MFHAS1: variants seen among roughly 807,000 people sequenced by gnomAD.
MFHAS1 encodes malignant fibrous histiocytoma-amplified sequence 1.
Under a neutral mutation model 70.4 loss-of-function variants are expected in MFHAS1, and 50 were observed. That is an observed-to-expected ratio of 0.71 (90% CI 0.57 to 0.90). MFHAS1 has a LOEUF of 0.90. Ranked by LOEUF, MFHAS1 falls within the 40% of genes least tolerant of loss-of-function variation. MFHAS1 has a pLI of 0.00. For synonymous variants in MFHAS1, 952 were observed against 620.0 expected, an observed-to-expected ratio of 1.54 and a Z score of -7.96; for missense variants, 1,795 against 1,347.6, an observed-to-expected ratio of 1.33 and a Z score of -5.20.
In MFHAS1 at chr8:8,832,188, GAAAGA is replaced by G. The variant is rs201288971; in HGVS notation, c.2999-34702_2999-34698del. Among the ~76,000 whole-genome samples the G allele has an allele frequency of 5.9e-4, 88 of 148,502 alleles. 2 individuals are homozygous for G. The South Asian group carries it at 0.018, about 31-fold the overall frequency. ...TTCTTAACCTTGAGAGGGACAGAAA[GAAAGA>G]AAAAAAAAAGTACTAACCAGAAGAC... is the stretch of plus-strand genomic sequence containing the variant. On this transcript the variant is annotated intron_variant, in intron 1 of 2. Transcript: ENST00000276282.
chr8:8,791,600 C>G (rs1805721689), intron 2 of MFHAS1, among the ~76,000 whole-genome samples: 1 of 152,176 alleles, frequency 6.6e-6, no homozygotes, highest in Non-Finnish European at 1.5e-5. Context: ...CTCACACTCC[C>G]TGGGAAATGG....
chr8:8,882,529 T>C (rs1563219218), intron 1 of MFHAS1, among the ~76,000 whole-genome samples: 1 of 152,032 alleles, frequency 6.6e-6, no homozygotes, highest in African/African-American at 2.4e-5. Flanking sequence ...GAAGAATCAC[T>C]TGAACCCGGG....
intron 1 of MFHAS1, among the ~76,000 whole-genome samples, chr8:8,845,253 G>C (rs1244957619): frequency 2.0e-5 from 3 of 152,166 alleles, no homozygotes; most frequent in Non-Finnish European, 2.9e-5. Context: ...TCACATAAAA[G>C]TCAGAAACAG....
intron 1 of MFHAS1, among the ~76,000 whole-genome samples, chr8:8,800,674 T>C (rs528815023): frequency 6.6e-6 from 1 of 152,324 alleles, no homozygotes; most frequent in East Asian, 1.9e-4. Context: ...GTTCTACTTT[T>C]GTCCTAAAAT....
chr8:8,835,074 G>A (rs958057982), intron 1 of MFHAS1, among the ~76,000 whole-genome samples: 31 of 152,278 alleles, frequency 2.0e-4, no homozygotes, highest in African/African-American at 6.3e-4. Context: ...CTAAATGACT[G>A]AATGTATAGG....
chr8:8,876,538 C>G (rs563047331), intron 1 of MFHAS1, among the ~76,000 whole-genome samples: 2 of 151,924 alleles, frequency 1.3e-5, no homozygotes, highest in Non-Finnish European at 2.9e-5. Flanking sequence ...AGTTCGAGAC[C>G]AGTGTGGCTA....
At chr8:8,793,207 TTC>T (rs1215572641) in intron 2 of MFHAS1, among the ~76,000 whole-genome samples, 1 of 152,214 alleles carries the variant, frequency 6.6e-6, no homozygotes, top group Non-Finnish European at 1.5e-5. Context: ...CTACTTCTTA[TTC>T]TCTGTCTCTC....
chr8:8,864,745 T>C (rs1027335922), intron 1 of MFHAS1, among the ~76,000 whole-genome samples: 1 of 152,146 alleles, frequency 6.6e-6, no homozygotes, highest in Non-Finnish European at 1.5e-5. Flanking sequence ...TTGGGGTCAC[T>C]TGGCAGTCAT....
At position 8,877,052 on chromosome 8, in the gene MFHAS1, C is replaced by A. The variant is rs74738232; in HGVS notation, c.2998+13009G>T. On this transcript the variant is annotated intron_variant, in intron 1 of 2. Coordinates refer to ENST00000276282, the MANE Select transcript of MFHAS1 (RefSeq NM_004225.3). ...CAGTGGCACACACCTGTAATCCCAG[C>A]ACTTTGAGAGGCCAAGGTGAGTGGA... Among the ~76,000 whole-genome samples, 19 of 152,220 alleles carry A rather than the reference C, an allele frequency of 1.2e-4. No homozygotes were observed. The East Asian group carries it at 3.7e-3, about 29-fold the overall frequency.
rs992970476 is a variant in MFHAS1, at chr8:8,785,209, C to G, written c.*813G>C. The G allele has an allele frequency of 6.6e-6, 1 of 152,138 alleles. No individual in the cohort carries two copies. The highest frequency in any genetic ancestry group is 2.4e-5 in the African/African-American group (1 of 41,416). 9.4% of individuals were successfully genotyped at this position (152,138 alleles called of 1,614,324 possible). A position where few individuals can be genotyped will look rare whatever the true frequency, so the allele number is the denominator to read the frequency against. On this transcript the variant is annotated 3_prime_UTR_variant, in exon 3 of 3. Coordinates refer to ENST00000276282, the MANE Select transcript of MFHAS1 (RefSeq NM_004225.3). ...CTGAGTGTGCCCCATCTCTGCCCAGCACTAATAACACGTTGGAAGAGCAAA... is the reference window on the plus strand; with the variant it reads ...CTGAGTGTGCCCCATCTCTGCCCAGGACTAATAACACGTTGGAAGAGCAAA...
chr8:8,784,517 C>G lies in MFHAS1; in HGVS notation c.*1505G>C, dbSNP rs1477215550. On this transcript the variant is annotated 3_prime_UTR_variant, in exon 3 of 3. Coordinates refer to ENST00000276282, the MANE Select transcript of MFHAS1 (RefSeq NM_004225.3). ...GTCAGTGAAATTAATGCCTGGGGCACAAAATATTCTACAAAAATCGGTTTG... is the reference window on the plus strand; with the variant it reads ...GTCAGTGAAATTAATGCCTGGGGCAGAAAATATTCTACAAAAATCGGTTTG... 1 of 152,154 alleles carries G rather than the reference C, an allele frequency of 6.6e-6. No individual in the cohort carries two copies. The highest frequency in any genetic ancestry group is 1.5e-5 in the Non-Finnish European group (1 of 68,030). 9.4% of individuals were successfully genotyped at this position (152,154 alleles called of 1,614,324 possible).
chr8:8,831,225 A>G (rs1354899945), intron 1 of MFHAS1, among the ~76,000 whole-genome samples: 1 of 149,858 alleles, frequency 6.7e-6, no homozygotes, highest in Non-Finnish European at 1.5e-5. Flanking sequence ...TAACCTTAAA[A>G]CCTCCTTATA....
intron 1 of MFHAS1, among the ~76,000 whole-genome samples, chr8:8,886,947 G>C (rs961984480): frequency 6.6e-6 from 1 of 152,076 alleles, no homozygotes; most frequent in Non-Finnish European, 1.5e-5. Flanking sequence ...CCAACCTGGC[G>C]AAACCCCCGC....
chr8:8,854,220 A>C lies in MFHAS1; in HGVS notation c.2998+35841T>G, dbSNP rs776566194. Among the ~76,000 whole-genome samples the C allele has an allele frequency of 2.0e-5, 3 of 151,996 alleles. No homozygotes were observed. In the South Asian group the frequency reaches 6.2e-4, roughly 32 times the overall value. On this transcript the variant is annotated intron_variant, in intron 1 of 2. Coordinates refer to ENST00000276282, the MANE Select transcript of MFHAS1 (RefSeq NM_004225.3). ...AAGACCAGCCTGGCCAACATGGTGA[A>C]ACCCCGTGTCTACTAAAAACATAAA...
rs979990503 is a variant in MFHAS1 at position 8,805,090 on chromosome 8, G to C, written c.2999-7599C>G. Among the ~76,000 whole-genome samples the C allele has an allele frequency of 2.0e-5, 3 of 152,170 alleles. No homozygotes were observed. In the South Asian group the frequency reaches 6.2e-4, roughly 32 times the overall value. ...AGTCAGGTCTCTTCTAGATCAAAAA[G>C]CTGAGGCCTCAGATCACAACGGCCC... is the stretch of plus-strand genomic sequence containing the variant. On this transcript the variant is annotated intron_variant, in intron 1 of 2. Coordinates refer to ENST00000276282, the MANE Select transcript of MFHAS1 (RefSeq NM_004225.3).
chr8:8,807,298 G>A (rs1806330273), intron 1 of MFHAS1, among the ~76,000 whole-genome samples: 2 of 151,900 alleles, frequency 1.3e-5, no homozygotes, highest in African/African-American at 4.8e-5. Context: ...GACCACACCT[G>A]ACAGACATTT....
At chr8:8,860,407 G>C (rs1808617360) in intron 1 of MFHAS1, among the ~76,000 whole-genome samples, 2 of 152,162 alleles carry the variant, frequency 1.3e-5, no homozygotes, top group South Asian at 2.1e-4. Context: ...GAGAAAATAC[G>C]CCAGTTAGGA....
intron 1 of MFHAS1, among the ~76,000 whole-genome samples, chr8:8,811,926 G>C (rs1037231629): frequency 2.0e-5 from 3 of 152,154 alleles, no homozygotes; most frequent in Non-Finnish European, 4.4e-5. Context: ...CACCACCTAG[G>C]AAGCTTCCAG....
chr8:8,791,325 C>G (rs1045224285), intron 2 of MFHAS1, among the ~76,000 whole-genome samples: 4 of 152,086 alleles, frequency 2.6e-5, no homozygotes. Flanking sequence ...AGGGTCAGTC[C>G]ATTAAGAAAC....
Sources: allele counts gnomAD v4.1 joint callset (sites outside exome capture counted in the v4.1 genomes callset), GRCh38; gene constraint gnomAD v4.1.1; transcripts MANE v1.5; gene names NCBI Gene and HGNC (gene_info 2026-07-23, HGNC 2026-07-21).